Variants in CIRSR observed in about 807,000 individuals in gnomAD.
CIRSR encodes the protein corepressor of RBPJ and splicing regulator.
chr2:174,387,887 G>GC, the CIRSR span: 3 of 947,586 alleles, frequency 3.2e-6, no homozygotes, highest in East Asian at 8.6e-5. Context: ...AAGCAGGAGT[G>GC]CCCAATCTTT....
the CIRSR span, chr2:174,379,150 T>A: frequency 1.3e-6 from 1 of 759,836 alleles, no homozygotes; most frequent in African/African-American, 1.7e-5. Context: ...TTAAAAGATC[T>A]CCAGGGAAAA....
At chr2:174,351,697 T>A in the CIRSR span, 1 of 1,613,586 alleles carries the variant, frequency 6.2e-7, no homozygotes, top group Non-Finnish European at 8.5e-7. Flanking sequence ...TCATCTCCGC[T>A]ATTAGCTCCG....
At chr2:174,394,200 A>T in the CIRSR span, among the ~76,000 whole-genome samples, 1 of 152,244 alleles carries the variant, frequency 6.6e-6, no homozygotes, top group Admixed American at 6.5e-5. Context: ...GCGAAATGTC[A>T]AAAGTTCCAG....
At chr2:174,373,960 G>A in the CIRSR span, among the ~76,000 whole-genome samples, 1 of 152,122 alleles carries the variant, frequency 6.6e-6, no homozygotes, top group Non-Finnish European at 1.5e-5. Flanking sequence ...GATCGTGAAC[G>A]TCATCTTGGA....
chr2:174,362,686 C>CAAAAAAAA, the CIRSR span, among the ~76,000 whole-genome samples: 30 of 20,682 alleles, frequency 1.5e-3, no homozygotes, highest in African/African-American at 3.0e-3. Context: ...GACTCTGCCT[C>CAAAAAAAA]AAAAAAAAAA....
At chr2:174,390,339 T>C in the CIRSR span, among the ~76,000 whole-genome samples, 9 of 152,254 alleles carry the variant, frequency 5.9e-5, no homozygotes, top group Non-Finnish European at 4.4e-5. Flanking sequence ...GACTGCCCTA[T>C]TGGATTTTGG....
chr2:174,373,683 T>G, the CIRSR span, among the ~76,000 whole-genome samples: 1 of 152,102 alleles, frequency 6.6e-6, no homozygotes, highest in African/African-American at 2.4e-5. Flanking sequence ...ACAGTTGACT[T>G]TGCCATTCCC....
At chr2:174,354,430 T>TA in the CIRSR span, among the ~76,000 whole-genome samples, 1 of 51,040 alleles carries the variant, frequency 2.0e-5, no homozygotes, top group African/African-American at 6.0e-5. Context: ...ATATATTATA[T>TA]GATATATATA....
the CIRSR span, chr2:174,369,845 A>G: frequency 2.9e-6 from 3 of 1,030,912 alleles, no homozygotes; most frequent in Non-Finnish European, 2.6e-6. Flanking sequence ...AATGTCAAAG[A>G]TCACTGAGCA....
the CIRSR span, among the ~76,000 whole-genome samples, chr2:174,375,442 T>C: frequency 6.6e-6 from 1 of 152,120 alleles, no homozygotes; most frequent in Non-Finnish European, 1.5e-5. Flanking sequence ...ACCCCATCTC[T>C]ACAAAAAGTA....
the CIRSR span, among the ~76,000 whole-genome samples, chr2:174,376,737 G>A: frequency 1.1e-3 from 170 of 147,838 alleles, 5 homozygotes; most frequent in South Asian, 0.035. Flanking sequence ...GGCGGAGCTC[G>A]CAGTGAGCCA....
At chr2:174,385,499 C>T in the CIRSR span, among the ~76,000 whole-genome samples, 4 of 152,050 alleles carry the variant, frequency 2.6e-5, no homozygotes, top group African/African-American at 7.2e-5. Context: ...GTGCTCAGAT[C>T]GTGGTTTCTA....
the CIRSR span, among the ~76,000 whole-genome samples, chr2:174,351,372 T>G: frequency 6.6e-6 from 1 of 152,158 alleles, no homozygotes; most frequent in Non-Finnish European, 1.5e-5. Context: ...TCATCACCAG[T>G]TCAGTTAGAT....
the CIRSR span, among the ~76,000 whole-genome samples, chr2:174,369,511 C>T: frequency 1.3e-5 from 2 of 152,236 alleles, no homozygotes; most frequent in African/African-American, 4.8e-5. Context: ...CACAAGTTAG[C>T]TAATTGGTGT....
the CIRSR span, among the ~76,000 whole-genome samples, chr2:174,352,319 G>A: frequency 6.6e-6 from 1 of 152,062 alleles, no homozygotes; most frequent in Non-Finnish European, 1.5e-5. Context: ...TTACTAGCTT[G>A]GGTTGCTAAC....
chr2:174,349,142 CTTT>C, the CIRSR span: 3 of 1,480,556 alleles, frequency 2.0e-6, no homozygotes, highest in Non-Finnish European at 2.7e-6. Flanking sequence ...TATCTTTTTT[CTTT>C]TTTTTCTTCT....
chr2:174,387,816 G>A, the CIRSR span: 2 of 1,505,854 alleles, frequency 1.3e-6, no homozygotes, highest in Non-Finnish European at 1.8e-6. Flanking sequence ...TTAAATTGTT[G>A]GATTTAAATT....
chr2:174,366,993 T>C, the CIRSR span, among the ~76,000 whole-genome samples: 1 of 152,278 alleles, frequency 6.6e-6, no homozygotes, highest in South Asian at 2.1e-4. Context: ...AATGGATTCC[T>C]ATCAAATGCT....
At chr2:174,369,970 G>T in the CIRSR span, 1 of 1,364,256 alleles carries the variant, frequency 7.3e-7, no homozygotes, top group Non-Finnish European at 9.8e-7. Context: ...TGATAGATTT[G>T]CTCAGCACAG....
Sources: allele counts gnomAD v4.1 joint callset (sites outside exome capture counted in the v4.1 genomes callset), GRCh38; gene constraint gnomAD v4.1.1; transcripts MANE v1.5; gene names NCBI Gene and HGNC (gene_info 2026-07-23, HGNC 2026-07-21).